PPP1R37: variants seen among roughly 807,000 people sequenced by gnomAD.
The protein encoded by PPP1R37 is protein phosphatase 1 regulatory subunit 37.
A neutral mutation model predicts 61.0 loss-of-function variants in PPP1R37; 21 were observed. The ratio of observed to expected loss-of-function variants is 0.34; its 90% confidence interval spans 0.24 to 0.50. The LOEUF is 0.50. Among genes scored for constraint, PPP1R37 ranks in the 20% least tolerant of loss-of-function variants. The probability of loss-of-function intolerance (pLI) is 0.98; values close to 1 mark genes in which losing one functional copy is unlikely to be tolerated. For missense variants in PPP1R37, 910 were observed against 952.7 expected, an observed-to-expected ratio of 0.96 and a Z score of 0.59; for synonymous variants, 443 against 433.5, an observed-to-expected ratio of 1.02 and a Z score of -0.27.
intron 1 of PPP1R37, among the ~76,000 whole-genome samples, chr19:45,101,219 GC>G (rs1407842274): frequency 1.3e-5 from 2 of 152,162 alleles, no homozygotes; most frequent in African/African-American, 4.8e-5. Context: ...AGGAAATCCA[GC>G]AGTAAGCCAG....
chr19:45,100,590 G>A (rs1968049732), intron 1 of PPP1R37, among the ~76,000 whole-genome samples: 1 of 152,242 alleles, frequency 6.6e-6, no homozygotes, highest in Non-Finnish European at 1.5e-5. Flanking sequence ...TTCAAATCCA[G>A]GCAGCCAGCC....
chr19:45,139,863 C>T (rs1968587139), intron 2 of PPP1R37, among the ~76,000 whole-genome samples: 1 of 152,246 alleles, frequency 6.6e-6, no homozygotes, highest in Admixed American at 6.5e-5. Flanking sequence ...GCCTCCTGTG[C>T]CCAGCCTTGC....
chr19:45,138,355 G>A (rs916703028), intron 1 of PPP1R37, among the ~76,000 whole-genome samples, 159 bp from the exon 2 acceptor site: 1 of 152,216 alleles, frequency 6.6e-6, no homozygotes, highest in African/African-American at 2.4e-5. Context: ...GCAGTGGCCA[G>A]CGGGGGGCCT....
chr19:45,110,110 CTT>C (rs1968181965), intron 1 of PPP1R37, among the ~76,000 whole-genome samples: 1 of 147,158 alleles, frequency 6.8e-6, no homozygotes, highest in Non-Finnish European at 1.5e-5. Flanking sequence ...AATGAATTCC[CTT>C]TTTCTTTTTT....
chr19:45,141,187 C>T (rs888994481), intron 4 of PPP1R37, 135 bp from the exon 5 acceptor site: 40 of 977,774 alleles, frequency 4.1e-5, no homozygotes, highest in African/African-American at 2.0e-4. Context: ...CCTGTCTGTG[C>T]TTGTCCTCCT....
rs1179016015 is a variant in PPP1R37 at position 45,142,077 on chromosome 19, A to T, written c.584A>T (p.Tyr195Phe). 1.3e-6 allele frequency: 2 copies of T among 1,525,170 alleles called. No homozygotes were observed. Among genetic ancestry groups the T allele is most frequent in the Non-Finnish European group, 1.8e-6 (2 of 1,140,946 alleles). The allele number at this position is 1,525,170 out of a possible 1,614,324, so 94.5% of individuals were successfully genotyped here. Reference protein sequence around the residue: ...HMMRKTSCLQYLDARNTPLLD... With the variant: ...HMMRKTSCLQFLDARNTPLLD... ...CCCCTGCAGACGAGCTGCCTGCAGT[A>T]TCTGGACGCCCGCAACACGCCCCTG... Residue 195 changes from tyrosine (Y) to phenylalanine (F), a missense_variant, in exon 6 of 13, where the codon TAT (tyrosine) becomes TTT (phenylalanine). This residue lies in a region of PPP1R37 where 280 missense variants were observed against 382.2 expected (regional missense o/e 0.73). Coordinates refer to ENST00000221462, the MANE Select transcript of PPP1R37 (RefSeq NM_019121.2).
Position 45,145,961 on chromosome 19 carries a change from C to A in PPP1R37, c.1905C>A (p.Asn635Lys). 4 of 1,534,610 alleles carry A rather than the reference C, an allele frequency of 2.6e-6. No individual in the cohort carries two copies. Among genetic ancestry groups the A allele is most frequent in the Non-Finnish European group, 3.5e-6 (4 of 1,146,310 alleles). ...CTCGGTCAGGGCCACCACTGCCCAA[C>A]GGCCTGAAGCCCGAGTTCGCCCTGG... ...EPPRSGPPLP[N>K]GLKPEFALAL... The change falls in exon 11 of 13, where the codon AAC (asparagine) becomes AAA (lysine). Residue 635 changes from asparagine to lysine, a missense_variant. Physicochemically the swap from Asn to Lys is moderately conservative, Grantham distance 94. This residue lies in a region of PPP1R37 where 549 missense variants were observed against 505.1 expected (regional missense o/e 1.09). Coordinates refer to ENST00000221462, the MANE Select transcript of PPP1R37 (RefSeq NM_019121.2).
intron 1 of PPP1R37, among the ~76,000 whole-genome samples, chr19:45,117,316 C>T (rs1293475516): frequency 1.3e-5 from 2 of 152,122 alleles, no homozygotes; most frequent in African/African-American, 4.8e-5. Flanking sequence ...GTTGCAGACC[C>T]GGAGGCGGGA....
At chr19:45,127,900 G>A (rs964778441) in intron 1 of PPP1R37, among the ~76,000 whole-genome samples, 2 of 151,096 alleles carry the variant, frequency 1.3e-5, no homozygotes, top group African/African-American at 2.4e-5. Flanking sequence ...CCTTGAACCC[G>A]GGAGGCAGAG....
chr19:45,093,366 C>A lies in PPP1R37; in HGVS notation c.41C>A (p.Ala14Glu). Residue 14 changes from alanine (A) to glutamate (E), a missense_variant, in exon 1 of 13, where the codon GCG (alanine) becomes GAG (glutamate). Physicochemically the swap from Ala to Glu is moderately radical, Grantham distance 107. Transcript: ENST00000221462. ...APQEAPPVPGADGDIEEAPAE... is the reference protein window; with the variant it reads ...APQEAPPVPGEDGDIEEAPAE... ...CAGGAGGCGCCGCCCGTGCCGGGCG[C>A]GGACGGCGACATTGAAGAGGCCCCA... The A allele has an allele frequency of 6.6e-7, 1 of 1,509,210 alleles. No individual in the cohort carries two copies. Among genetic ancestry groups the A allele is most frequent in the Non-Finnish European group, 8.8e-7 (1 of 1,131,882 alleles). 93.5% of individuals were successfully genotyped at this position (1,509,210 alleles called of 1,614,324 possible). A position where few individuals can be genotyped will look rare whatever the true frequency, so the allele number is the denominator to read the frequency against.
chr19:45,108,201 C>T (rs1331942314), intron 1 of PPP1R37, among the ~76,000 whole-genome samples: 5 of 152,018 alleles, frequency 3.3e-5, no homozygotes, highest in South Asian at 4.2e-4. Flanking sequence ...CTCTTTTTTT[C>T]TGCTTTTGAG....
chr19:45,094,848 C>T (rs372537105), intron 1 of PPP1R37, among the ~76,000 whole-genome samples: 50 of 152,170 alleles, frequency 3.3e-4, no homozygotes, highest in African/African-American at 1.1e-3. Flanking sequence ...AGAGGGCCAG[C>T]GCACTGGAGA....
chr19:45,121,117 C>T lies in PPP1R37; in HGVS notation c.203-17397C>T, dbSNP rs1415330171. 6.6e-6 allele frequency among the ~76,000 whole-genome samples: 1 copy of T among 152,182 alleles called. No individual in the cohort carries two copies. Among genetic ancestry groups the T allele is most frequent in the Non-Finnish European group, 1.5e-5 (1 of 68,032 alleles). ...GAGTGGGCGCAAAGTTACGGCTCCA[C>T]CGGTAAAGCACAGTAGAAGGGCCCC... On this transcript the variant is annotated intron_variant, in intron 1 of 12. Coordinates refer to ENST00000221462, the MANE Select transcript of PPP1R37 (RefSeq NM_019121.2). The surrounding 1 kb of genome is among the most constrained non-coding windows in gnomAD (Gnocchi z 4.2).
intron 4 of PPP1R37, 123 bp from the exon 5 acceptor site, chr19:45,141,199 T>TCC (rs1487957796): frequency 9.2e-7 from 1 of 1,092,788 alleles, no homozygotes; most frequent in Non-Finnish European, 1.3e-6. Flanking sequence ...TGTCCTCCTC[T>TCC]CCCGTGTGGC....
rs1048525038 is a variant in PPP1R37, at chr19:45,145,129, C to A, written c.1165C>A (p.Pro389Thr). ...VAVAEFIAES[P>T]RLLRLDLREN... ...GGTGGCGGAGTTCATCGCTGAGAGCCCCCGCCTCCTGAGACTGGACCTTCG... is the reference window on the plus strand; with the variant it reads ...GGTGGCGGAGTTCATCGCTGAGAGCACCCGCCTCCTGAGACTGGACCTTCG... The change falls in exon 10 of 13, where the codon CCC becomes ACC. Residue 389 changes from proline to threonine, a missense_variant. Physicochemically the swap from Pro to Thr is conservative, Grantham distance 38. Around this residue, in one of 3 missense-constraint regions of PPP1R37, gnomAD observed 549 missense variants for 505.1 expected, o/e 1.09. Transcript: ENST00000221462. The A allele has an allele frequency of 5.9e-6, 9 of 1,534,542 alleles. No individual in the cohort carries two copies. In the African/African-American group the frequency reaches 1.1e-4, roughly 19 times the overall value.
At chr19:45,134,561 C>CT (rs762221707) in intron 1 of PPP1R37, among the ~76,000 whole-genome samples, 358 of 142,422 alleles carry the variant, frequency 2.5e-3, no homozygotes, top group Middle Eastern at 3.6e-3. Flanking sequence ...GTGCTCATTC[C>CT]TTTTTTTTTT....
rs75236018 is a variant in PPP1R37 at position 45,112,638 on chromosome 19, C to T, written c.202+19111C>T. Among the ~76,000 whole-genome samples, 509 of 152,308 alleles carry T rather than the reference C, an allele frequency of 3.3e-3. 2 individuals are homozygous for T. The highest frequency in any genetic ancestry group is 0.012 in the African/African-American group (478 of 41,564). ...GTTAGATGGTCCCTCTTTCAGGACG[C>T]CCCCAACCCCAAGTCTGGGTTAGGG... is the stretch of plus-strand genomic sequence containing the variant. On this transcript the variant is annotated intron_variant, in intron 1 of 12. Coordinates refer to ENST00000221462, the MANE Select transcript of PPP1R37 (RefSeq NM_019121.2).
Position 45,121,302 on chromosome 19 carries a change from G to A in PPP1R37, c.203-17212G>A, listed in dbSNP as rs1968340063. On this transcript the variant is annotated intron_variant, in intron 1 of 12. Transcript: ENST00000221462. The surrounding 1 kb of genome is among the most constrained non-coding windows in gnomAD (Gnocchi z 4.2). ...GACCTGCATTTACACTCACACTCTG[G>A]GATGAGGGACTTTCCTCCTCAGGGC... 6.6e-6 allele frequency among the ~76,000 whole-genome samples: 1 copy of A among 152,228 alleles called. No individual in the cohort carries two copies. Among genetic ancestry groups the A allele is most frequent in the Non-Finnish European group, 1.5e-5 (1 of 68,046 alleles).
intron 2 of PPP1R37, 44 bp from the exon 3 acceptor site, chr19:45,140,192 C>T (rs1487907135): frequency 1.3e-6 from 2 of 1,513,504 alleles, no homozygotes; most frequent in Admixed American, 3.9e-5. Flanking sequence ...GGCTGCCCCC[C>T]TGTTCAAGTG....
Sources: allele counts gnomAD v4.1 joint callset (sites outside exome capture counted in the v4.1 genomes callset), GRCh38; gene constraint gnomAD v4.1.1; regional missense constraint gnomAD v4.1.1; non-coding constraint Gnocchi (gnomAD v3.1); transcripts MANE v1.5; gene names NCBI Gene and HGNC (gene_info 2026-07-23, HGNC 2026-07-21).